Variants in RGL4 observed in about 807,000 individuals in gnomAD.
The protein encoded by RGL4 is ral-GDS-related protein.
A neutral mutation model predicts 49.6 loss-of-function variants in RGL4; 41 were observed. The ratio of observed to expected loss-of-function variants is 0.83; its 90% CI spans 0.64 to 1.07. RGL4 has a LOEUF of 1.07. RGL4 is among the 50% of genes least tolerant of loss of function. RGL4 has a pLI of 0.00. For synonymous variants in RGL4, 255 were observed against 238.0 expected, an observed-to-expected ratio of 1.07 and a Z score of -0.66; for missense variants, 610 against 591.9, an observed-to-expected ratio of 1.03 and a Z score of -0.32.
chr22:23,696,496 T>C (rs1348098500), intron 6 of RGL4, 118 bp from the exon 7 acceptor site: 1 of 1,566,348 alleles, frequency 6.4e-7, no homozygotes, highest in Admixed American at 1.9e-5. Flanking sequence ...GGGCCAGTGG[T>C]ATGAGCACGG....
Position 23,696,784 on chromosome 22 carries a change from C to A in RGL4, c.1161+96C>A, listed in dbSNP as rs1480287498. The A allele has an allele frequency of 3.7e-6, 4 of 1,085,978 alleles. No individual in the cohort carries two copies. In the African/African-American group the frequency reaches 6.3e-5, roughly 17 times the overall value. 67.3% of individuals were successfully genotyped at this position (1,085,978 alleles called of 1,614,324 possible). A position where few individuals can be genotyped will look rare whatever the true frequency, so the allele number is the denominator to read the frequency against. ...GGCCTCCATATCAAGACAGCGGGGG[C>A]TTCCTCCCCAGCCCTGTCCTCCTGT... On this transcript the variant is annotated intron_variant, in intron 7 of 10. Transcript: ENST00000290691.
At position 23,694,356 on chromosome 22, in the gene RGL4, A is replaced by C. The variant is rs1923347767; in HGVS notation, c.922A>C (p.Ser308Arg). 3 of 1,613,496 alleles carry C rather than the reference A, an allele frequency of 1.9e-6. No homozygotes were observed. The highest frequency in any genetic ancestry group is 2.5e-6 in the Non-Finnish European group (3 of 1,179,578). ...ATTCTTCCCTCTCCAGGAGTGCCTA[A>C]GCCTCAACAACTTCTCCTCGGTGCA... ...HWIKVARECL[S>R]LNNFSSVHVI... is the part of the protein sequence containing the mutation. Residue 308 changes from serine to arginine, a missense_variant, in exon 5 of 11, where the codon AGC becomes CGC. By Grantham distance (110) the Ser-to-Arg change is moderately radical. Coordinates refer to ENST00000290691, the MANE Select transcript of RGL4 (RefSeq NM_153615.2).
Position 23,691,018 on chromosome 22 carries a change from C to T in RGL4, c.-1013C>T, listed in dbSNP as rs1381759977. The T allele has an allele frequency of 6.6e-6, 1 of 152,218 alleles. No individual in the cohort carries two copies. Among genetic ancestry groups the T allele is most frequent in the African/African-American group, 2.4e-5 (1 of 41,434 alleles). 9.4% of individuals were successfully genotyped at this position (152,218 alleles called of 1,614,324 possible). Reference sequence around the variant, plus strand: ...TACTGGCTCTGTCTTGAAGATGCACCTCTCGGAGCCTCGGTTGGCTCCTCT... The same window carrying T: ...TACTGGCTCTGTCTTGAAGATGCACTTCTCGGAGCCTCGGTTGGCTCCTCT... On this transcript the variant is annotated 5_prime_UTR_variant, in exon 1 of 11. Coordinates refer to ENST00000290691, the MANE Select transcript of RGL4 (RefSeq NM_153615.2).
At chr22:23,698,377 A>ATTTT in intron 10 of RGL4, 44 bp downstream of exon 10, 1 of 1,240,066 alleles carries the variant, frequency 8.1e-7, no homozygotes, top group Non-Finnish European at 1.1e-6. Flanking sequence ...AAGGCTCTCC[A>ATTTT]TTTTTTTTTT....
intron 6 of RGL4, 88 bp downstream of exon 6, chr22:23,695,107 T>A: frequency 9.7e-7 from 1 of 1,030,472 alleles, no homozygotes; most frequent in East Asian, 2.4e-5. Flanking sequence ...AGGTGTCGAG[T>A]GGTTATTTTG....
At position 23,697,237 on chromosome 22, in the gene RGL4, G is replaced by C; in HGVS notation, c.1228G>C (p.Asp410His). The change falls in exon 8 of 11, where the codon GAC becomes CAC. Residue 410 changes from aspartate to histidine, a missense_variant. Asp to His is a moderately conservative substitution (Grantham distance 81, BLOSUM62 -1). Transcript: ENST00000290691. ...LQRLDSAIPD[D>H]LDGNTNKRSK... The stretch of plus-strand genomic sequence containing the variant: ...GAGGCTGGATTCGGCCATCCCGGAC[G>C]ACCTGGATGTGAGTGAGCCTGGGGC... 5 of 1,613,018 alleles carry C rather than the reference G, an allele frequency of 3.1e-6. No homozygotes were observed. The highest frequency in any genetic ancestry group is 4.2e-6 in the Non-Finnish European group (5 of 1,179,238).
At position 23,693,807 on chromosome 22, in the gene RGL4, G is replaced by C; in HGVS notation, c.745G>C (p.Gly249Arg). 3 of 1,614,094 alleles carry C rather than the reference G, an allele frequency of 1.9e-6. No individual in the cohort carries two copies. Among genetic ancestry groups the C allele is most frequent in the Non-Finnish European group, 2.5e-6 (3 of 1,180,026 alleles). Residue 249 changes from glycine to arginine, a missense_variant, in exon 4 of 11, where the codon GGC (glycine) becomes CGC (arginine). Coordinates refer to ENST00000290691, the MANE Select transcript of RGL4 (RefSeq NM_153615.2). ...CCACGAATGCTTGGGCTGCATCTGG[G>C]GCCAAGGACATCTGAAGGGGAATGA... ...VLHECLGCIW[G>R]QGHLKGNEHM...
intron 5 of RGL4, 140 bp downstream of exon 5, chr22:23,694,590 C>T: frequency 1.5e-6 from 1 of 666,594 alleles, no homozygotes; most frequent in Admixed American, 2.3e-5. Context: ...GCTGTGGTCA[C>T]TAAGCTGCCC....
intron 4 of RGL4, 177 bp from the exon 5 acceptor site, chr22:23,694,170 C>T: frequency 1.4e-6 from 1 of 717,870 alleles, no homozygotes; most frequent in Non-Finnish European, 2.4e-6. Context: ...TGGGGTCTTC[C>T]TTGGGTTGAA....
Position 23,699,041 on chromosome 22 carries a change from C to T in RGL4, c.*158C>T, listed in dbSNP as rs1213400837. ...CCCTGGATCCTCATCACCAACTGCTCCTGCTGGCCAGGATCAGGCCATGGG... is the reference window on the plus strand; with the variant it reads ...CCCTGGATCCTCATCACCAACTGCTTCTGCTGGCCAGGATCAGGCCATGGG... On this transcript the variant is annotated 3_prime_UTR_variant, in exon 11 of 11. Transcript: ENST00000290691. 3 of 1,547,022 alleles carry T rather than the reference C, an allele frequency of 1.9e-6. No individual in the cohort carries two copies. The highest frequency in any genetic ancestry group is 2.4e-5 in the East Asian group (1 of 40,882).
intron 6 of RGL4, 49 bp from the exon 7 acceptor site, chr22:23,696,565 T>TG: frequency 6.2e-7 from 1 of 1,612,328 alleles, no homozygotes; most frequent in Non-Finnish European, 8.5e-7. Flanking sequence ...GGGGTGTAAC[T>TG]GGGGGAGAGG....
chr22:23,694,482 G>A, intron 5 of RGL4, 32 bp downstream of exon 5: 1 of 1,466,306 alleles, frequency 6.8e-7, no homozygotes, highest in Non-Finnish European at 9.5e-7. Flanking sequence ...GCAGCATCAG[G>A]GTTGACCTAG....
rs1601282913 is a variant in RGL4 at position 23,691,958 on chromosome 22, C to T, written c.-73C>T. The T allele has an allele frequency of 5.2e-6, 8 of 1,534,022 alleles. No individual in the cohort carries two copies. In the East Asian group the frequency reaches 1.6e-4, roughly 30 times the overall value. On this transcript the variant is annotated 5_prime_UTR_variant, in exon 1 of 11. Coordinates refer to ENST00000290691, the MANE Select transcript of RGL4 (RefSeq NM_153615.2). ...CAGCACCGTGGCTTCCCAGCTCTCC[C>T]TGTCCTCCTCCCCCCGACATCTGCC...
chr22:23,694,252 C>A, intron 4 of RGL4, 95 bp from the exon 5 acceptor site: 3 of 1,013,762 alleles, frequency 3.0e-6, no homozygotes, highest in South Asian at 1.3e-5. Flanking sequence ...CAGGCCTCTG[C>A]TTCATCCAGG....
In RGL4 at chr22:23,693,853, G is replaced by A. The variant is rs140846458; in HGVS notation, c.791G>A (p.Arg264His). Reference protein sequence around the residue: ...KGNEHMAPTVRATIAHFNRLT... With the variant: ...KGNEHMAPTVHATIAHFNRLT... ...AATGAGCACATGGCACCCACAGTTC[G>A]TGCCACCATCGCACACTTCAACAGG... Residue 264 changes from arginine to histidine, a missense_variant, in exon 4 of 11, where the codon CGT (arginine) becomes CAT (histidine). Physicochemically the swap from Arg to His is conservative, Grantham distance 29. Transcript: ENST00000290691. 6.1e-5 allele frequency: 99 copies of A among 1,614,040 alleles called. No individual in the cohort carries two copies. In the African/African-American group the frequency reaches 7.2e-4, roughly 12 times the overall value.
At chr22:23,696,309 G>A (rs982545090) in intron 6 of RGL4, 19 of 1,308,586 alleles carry the variant, frequency 1.5e-5, no homozygotes, top group Admixed American at 9.6e-5. Flanking sequence ...GAGGGTGCTC[G>A]TGCCTGGTTC....
At chr22:23,696,795 G>C in intron 7 of RGL4, 107 bp downstream of exon 7, 1 of 968,862 alleles carries the variant, frequency 1.0e-6, no homozygotes, top group Admixed American at 2.6e-5. Context: ...TTCCTCCCCA[G>C]CCCTGTCCTC....
chr22:23,697,233 G>A lies in RGL4; in HGVS notation c.1224G>A (p.Pro408=), dbSNP rs753458045. The A allele has an allele frequency of 1.5e-5, 24 of 1,613,324 alleles. No homozygotes were observed. Among genetic ancestry groups the A allele is most frequent in the African/African-American group, 4.0e-5 (3 of 75,026 alleles). Residue 408 remains proline, a synonymous_variant, in exon 8 of 11, where the codon CCG becomes CCA. Coordinates refer to ENST00000290691, the MANE Select transcript of RGL4 (RefSeq NM_153615.2). ...TELQRLDSAI[P]DDLDGNTNKR... ...TACAGAGGCTGGATTCGGCCATCCC[G>A]GACGACCTGGATGTGAGTGAGCCTG...
rs1002750416 is a variant in RGL4, at chr22:23,693,075, G to A, written c.696+84G>A. 2.6e-5 allele frequency: 38 copies of A among 1,475,162 alleles called. No homozygotes were observed. The Middle Eastern group carries it at 7.0e-4, about 27-fold the overall frequency. The allele number at this position is 1,475,162 out of a possible 1,614,324, so 91.4% of individuals were successfully genotyped here. A position where few individuals can be genotyped will look rare whatever the true frequency, so the allele number is the denominator to read the frequency against. ...TCCCTGAGGAGCAGCCAATGCCCTC[G>A]GTCCAATTTCAGCCCCACTTCTTAC... On this transcript the variant is annotated intron_variant, in intron 3 of 10. Transcript: ENST00000290691.
Sources: gnomAD v4.1 joint callset for allele counts on GRCh38, gnomAD v4.1.1 for gene constraint, MANE v1.5 for transcripts, NCBI Gene and HGNC (gene_info 2026-07-23, HGNC 2026-07-21) for gene names.